The following DCLK3 variants were observed in gnomAD, a reference collection of about 807,000 sequenced individuals.
DCLK3 encodes the protein serine/threonine-protein kinase DCLK3.
In DCLK3, 30 loss-of-function variants were observed where a neutral mutation model predicts 46.4. The ratio of observed to expected loss-of-function variants is 0.65; its 90% CI spans 0.48 to 0.88. The LOEUF is 0.88. DCLK3 is among the 40% of genes least tolerant of loss of function. The probability of loss-of-function intolerance (pLI) is 0.00; values close to 1 mark genes in which losing one functional copy is unlikely to be tolerated. For synonymous variants in DCLK3, 401 were observed against 339.2 expected (o/e 1.18, Z -2.00); for missense variants, 846 against 907.1 (o/e 0.93, Z 0.87).
chr3:36,723,851 C>T (rs796825394), intron 2 of DCLK3, among the ~76,000 whole-genome samples: 28 of 152,270 alleles, frequency 1.8e-4, no homozygotes, highest in African/African-American at 6.0e-4. Flanking sequence ...AATGTGGGGT[C>T]GGATCCCCCA....
chr3:36,728,144 C>T (rs1341153117), intron 2 of DCLK3, among the ~76,000 whole-genome samples: 1 of 152,204 alleles, frequency 6.6e-6, no homozygotes, highest in Admixed American at 6.5e-5. Context: ...AGGAGATTCA[C>T]CCCTATGTTG....
chr3:36,726,354 T>G (rs951471495), intron 2 of DCLK3, among the ~76,000 whole-genome samples: 13 of 152,018 alleles, frequency 8.6e-5, no homozygotes, highest in African/African-American at 2.9e-4. Context: ...GAAAACTTAC[T>G]AGAATAAATT....
At chr3:36,762,485 A>G (rs1701548551) in intron 1 of DCLK3, among the ~76,000 whole-genome samples, 1 of 152,208 alleles carries the variant, frequency 6.6e-6, no homozygotes, top group Non-Finnish European at 1.5e-5. Flanking sequence ...ATAGAGGTCA[A>G]TTTGACACAA....
At chr3:36,715,889 A>G (rs1700974407) in intron 4 of DCLK3, among the ~76,000 whole-genome samples, 1 of 152,248 alleles carries the variant, frequency 6.6e-6, no homozygotes, top group Non-Finnish European at 1.5e-5. Flanking sequence ...TCGCAGGGCC[A>G]GACCCACTCT....
intron 1 of DCLK3, among the ~76,000 whole-genome samples, chr3:36,759,134 T>C (rs1335390936): frequency 3.3e-5 from 5 of 152,206 alleles, no homozygotes; most frequent in Non-Finnish European, 7.3e-5. Flanking sequence ...TCTACAAGAA[T>C]TTTTTTCCTT....
chr3:36,722,547 C>G lies in DCLK3; in HGVS notation c.1960-888G>C, dbSNP rs928035088. Among the ~76,000 whole-genome samples, 3 of 152,132 alleles carry G rather than the reference C, an allele frequency of 2.0e-5. No homozygotes were observed. The East Asian group carries it at 5.8e-4, about 29-fold the overall frequency. On this transcript the variant is annotated intron_variant, in intron 2 of 4. Transcript: ENST00000636136. ...TTTGGCTGTGTCCCTACCCAAATCTCATCTTGAATTGTAACTCCCACAATT... is the reference window on the plus strand; with the variant it reads ...TTTGGCTGTGTCCCTACCCAAATCTGATCTTGAATTGTAACTCCCACAATT...
At chr3:36,751,571 A>C (rs1382598314) in intron 1 of DCLK3, among the ~76,000 whole-genome samples, 1 of 152,250 alleles carries the variant, frequency 6.6e-6, no homozygotes, top group Non-Finnish European at 1.5e-5. Context: ...AAGCCTTTTG[A>C]AAGCATCAGA....
At chr3:36,758,500 GCTTAGGCC>G (rs1701508936) in intron 1 of DCLK3, among the ~76,000 whole-genome samples, 1 of 152,176 alleles carries the variant, frequency 6.6e-6, no homozygotes, top group Non-Finnish European at 1.5e-5. Context: ...AAAAGAAATA[GCTTAGGCC>G]CTTTGTTGGT....
chr3:36,739,800 A>C (rs1352387541), intron 1 of DCLK3: 1 of 152,260 alleles, frequency 6.6e-6, no homozygotes, highest in Admixed American at 6.5e-5. Flanking sequence ...ACTGACCTTC[A>C]AGGATCTACA....
intron 1 of DCLK3, among the ~76,000 whole-genome samples, chr3:36,755,201 C>T (rs1575147745): frequency 6.6e-6 from 1 of 152,152 alleles, no homozygotes; most frequent in Admixed American, 6.5e-5. Context: ...GCCTAATAGA[C>T]ATATCAGTTC....
Position 36,738,492 on chromosome 3 carries a change from C to T in DCLK3, c.675G>A (p.Glu225=), listed in dbSNP as rs1199355607. The T allele has an allele frequency of 6.7e-7, 1 of 1,494,954 alleles. No individual in the cohort carries two copies. The allele number at this position is 1,494,954 out of a possible 1,614,324, so 92.6% of individuals were successfully genotyped here. A position where few individuals can be genotyped will look rare whatever the true frequency, so the allele number is the denominator to read the frequency against. ...KALKGDHRCG[E]TETPKSCSEV... ...CGCTGCAGCTCTTGGGGGTCTCGGT[C>T]TCCCCACAGCGGTGGTCTCCTTTCA... Residue 225 remains glutamate (E), a synonymous_variant, in exon 2 of 5, where the codon GAG becomes GAA. Coordinates refer to ENST00000636136, the MANE Select transcript of DCLK3 (RefSeq NM_001394672.2).
intron 2 of DCLK3, among the ~76,000 whole-genome samples, chr3:36,730,022 C>G (rs865907591): frequency 1.2e-4 from 18 of 151,982 alleles, no homozygotes; most frequent in Non-Finnish European, 7.4e-5. Flanking sequence ...ACAAAAAATA[C>G]CAAAATATTA....
At chr3:36,746,098 A>C (rs891037499) in intron 1 of DCLK3, among the ~76,000 whole-genome samples, 2 of 152,240 alleles carry the variant, frequency 1.3e-5, no homozygotes, top group African/African-American at 4.8e-5. Flanking sequence ...ACATTGACTG[A>C]GACATCAGAA....
intron 2 of DCLK3, among the ~76,000 whole-genome samples, chr3:36,726,467 T>C (rs1429919203): frequency 6.6e-6 from 1 of 152,102 alleles, no homozygotes; most frequent in Admixed American, 6.5e-5. Flanking sequence ...CTCCTGGAAC[T>C]GGGGCAAAGG....
At chr3:36,749,457 G>A (rs942940587) in intron 1 of DCLK3, among the ~76,000 whole-genome samples, 48 of 152,322 alleles carry the variant, frequency 3.2e-4, no homozygotes, top group Middle Eastern at 3.4e-3. Flanking sequence ...ATTCCTACTG[G>A]TGAGGTTGCA....
chr3:36,748,313 A>G (rs1381246467), intron 1 of DCLK3, among the ~76,000 whole-genome samples: 1 of 152,270 alleles, frequency 6.6e-6, no homozygotes, highest in East Asian at 1.9e-4. Context: ...CAATCCCAGA[A>G]CAGCTGGTTT....
chr3:36,751,086 A>AAAAAT (rs1559394270), intron 1 of DCLK3, among the ~76,000 whole-genome samples: 3 of 149,948 alleles, frequency 2.0e-5, no homozygotes, highest in Non-Finnish European at 4.4e-5. Context: ...AAAAAAAAAA[A>AAAAAT]CTCCCCGAAG....
At chr3:36,757,589 T>C (rs1024366068) in intron 1 of DCLK3, among the ~76,000 whole-genome samples, 5 of 152,150 alleles carry the variant, frequency 3.3e-5, no homozygotes, top group Non-Finnish European at 7.4e-5. Context: ...ATTCAAATCA[T>C]CTTAATGAGC....
At chr3:36,721,722 T>G (rs2125521996) in intron 2 of DCLK3, 63 bp from the exon 3 acceptor site, 1 of 1,602,690 alleles carries the variant, frequency 6.2e-7, no homozygotes, top group East Asian at 2.2e-5. Flanking sequence ...GGGATACTAA[T>G]GAAACAACAG....
Sources: allele counts gnomAD v4.1 joint callset (sites outside exome capture counted in the v4.1 genomes callset), GRCh38; gene constraint gnomAD v4.1.1; transcripts MANE v1.5; gene names NCBI Gene and HGNC (gene_info 2026-07-23, HGNC 2026-07-21).